DLG2: variants seen among roughly 807,000 people sequenced by gnomAD.
DLG2 encodes the protein discs large MAGUK scaffold protein 2.
Under a neutral mutation model 132.5 loss-of-function variants are expected in DLG2, and 45 were observed. That is an observed-to-expected ratio of 0.34 (90% CI 0.27 to 0.44). The LOEUF (loss-of-function observed/expected upper bound fraction) is 0.44, where lower values mean the gene tolerates loss of function less well. DLG2 is among the 20% of genes least tolerant of loss of function. The pLI is 1.00. For missense variants in DLG2, 1,045 were observed against 1,196.9 expected (o/e 0.87, Z 1.87); for synonymous variants, 424 against 419.6 (o/e 1.01, Z -0.13).
chr11:85,285,458 T>C, intron 3 of DLG2, 93 bp from the exon 4 acceptor site: 1 of 1,237,334 alleles, frequency 8.1e-7, no homozygotes, highest in Non-Finnish European at 1.1e-6. Context: ...ATACAGAAAT[T>C]TTGCTGATTA....
chr11:85,411,173 G>T (rs528000424), intron 3 of DLG2, among the ~76,000 whole-genome samples: 1 of 151,770 alleles, frequency 6.6e-6, no homozygotes, highest in Admixed American at 6.6e-5. Context: ...GGAAAGAAGA[G>T]AAATAAGTGA....
chr11:84,027,830 A>C (rs1011683910), intron 11 of DLG2, among the ~76,000 whole-genome samples: 1 of 152,056 alleles, frequency 6.6e-6, no homozygotes, highest in Non-Finnish European at 1.5e-5. Flanking sequence ...CCATAACACA[A>C]AGATTTGTAA....
intron 8 of DLG2, among the ~76,000 whole-genome samples, chr11:84,191,427 C>G (rs1437520669): frequency 6.6e-6 from 1 of 152,166 alleles, no homozygotes; most frequent in East Asian, 1.9e-4. Context: ...GGAAAGAATG[C>G]CAGATTTGTG....
At chr11:85,050,135 C>CACACACACACACAT (rs767946448) in intron 6 of DLG2, among the ~76,000 whole-genome samples, 7 of 151,214 alleles carry the variant, frequency 4.6e-5, no homozygotes, top group African/African-American at 1.2e-4. Flanking sequence ...CACACACACA[C>CACACACACACACAT]ACACACACAC....
intron 7 of DLG2, among the ~76,000 whole-genome samples, chr11:84,281,051 G>A (rs1214637003): frequency 6.6e-6 from 1 of 151,842 alleles, no homozygotes; most frequent in African/African-American, 2.4e-5. Context: ...AAGGTACAAA[G>A]GCAACTTAAT....
intron 21 of DLG2, among the ~76,000 whole-genome samples, chr11:83,514,588 A>G (rs1193487869): frequency 1.3e-5 from 2 of 152,086 alleles, no homozygotes; most frequent in African/African-American, 2.4e-5. Flanking sequence ...TGGTGAGAGA[A>G]GACATCCCTG....
At chr11:85,220,637 A>AATATATAT (rs1554992640) in intron 4 of DLG2, among the ~76,000 whole-genome samples, 2 of 148,252 alleles carry the variant, frequency 1.3e-5, no homozygotes, top group Non-Finnish European at 3.0e-5. Flanking sequence ...TAGAAAAAAA[A>AATATATAT]ATATATATAT....
At chr11:85,437,436 T>C (rs569290919) in intron 3 of DLG2, among the ~76,000 whole-genome samples, 32 of 152,350 alleles carry the variant, frequency 2.1e-4, no homozygotes, top group African/African-American at 6.3e-4. Context: ...TTATTTGTGC[T>C]AATGTGGCAA....
chr11:83,936,775 T>C (rs991581570), intron 14 of DLG2, among the ~76,000 whole-genome samples: 4 of 152,154 alleles, frequency 2.6e-5, no homozygotes, highest in African/African-American at 4.8e-5. Context: ...GAGTGTTTCA[T>C]TGGAATAAGA....
intron 16 of DLG2, among the ~76,000 whole-genome samples, chr11:83,862,811 ACTTAGGGAATATAATTCCCCT>A (rs2061667822): frequency 6.6e-6 from 1 of 152,128 alleles, no homozygotes; most frequent in Admixed American, 6.6e-5. Flanking sequence ...AAAATTGGTC[ACTTAGGGAATATAATTCCCCT>A]TATTCCTTAG....
intron 4 of DLG2, among the ~76,000 whole-genome samples, chr11:85,276,510 G>A (rs1436022707): frequency 6.6e-6 from 1 of 152,110 alleles, no homozygotes; most frequent in Non-Finnish European, 1.5e-5. Flanking sequence ...AATCTGCAGG[G>A]AAGAGTATGG....
intron 6 of DLG2, chr11:84,545,541 G>A: frequency 2.6e-6 from 1 of 389,758 alleles, no homozygotes; most frequent in South Asian, 2.2e-5. Flanking sequence ...CTCTTGCTTT[G>A]ACAGGGATGA....
intron 6 of DLG2, among the ~76,000 whole-genome samples, chr11:84,628,141 T>G (rs1210492434): frequency 6.6e-6 from 1 of 152,008 alleles, no homozygotes; most frequent in South Asian, 2.1e-4. Context: ...TATAGATATA[T>G]ATATACCCCC....
At chr11:84,006,364 T>C (rs966976190) in intron 11 of DLG2, among the ~76,000 whole-genome samples, 1 of 151,650 alleles carries the variant, frequency 6.6e-6, no homozygotes, top group African/African-American at 2.4e-5. Flanking sequence ...ATAAGTTCTA[T>C]TGTTCAAAAG....
At chr11:85,330,677 A>G (rs867706967) in intron 3 of DLG2, among the ~76,000 whole-genome samples, 2 of 107,416 alleles carry the variant, frequency 1.9e-5, no homozygotes, top group Non-Finnish European at 3.8e-5. Flanking sequence ...ACCTAATGCT[A>G]GATGACACGT....
chr11:84,734,303 T>C (rs1316685038), intron 6 of DLG2, among the ~76,000 whole-genome samples: 2 of 152,184 alleles, frequency 1.3e-5, no homozygotes, highest in African/African-American at 4.8e-5. Context: ...TTGTATCCTC[T>C]TTTATTTTGT....
chr11:83,842,994 G>A (rs1235428722), intron 16 of DLG2, among the ~76,000 whole-genome samples: 4 of 152,020 alleles, frequency 2.6e-5, no homozygotes, highest in African/African-American at 4.8e-5. Context: ...ATATAAATAT[G>A]TTTTCATTGA....
chr11:85,330,792 T>TAAAAAAAAAAAAAAAAAATA (rs2081659434), intron 3 of DLG2, among the ~76,000 whole-genome samples: 2 of 116,492 alleles, frequency 1.7e-5, no homozygotes, highest in Non-Finnish European at 3.5e-5. Context: ...AAAAAAAAAT[T>TAAAAAAAAAAAAAAAAAATA]AAAAAAAAAA....
At chr11:84,352,279 T>C (rs1465700964) in intron 7 of DLG2, among the ~76,000 whole-genome samples, 1 of 152,136 alleles carries the variant, frequency 6.6e-6, no homozygotes, top group Non-Finnish European at 1.5e-5. Flanking sequence ...TCATGAACCT[T>C]GGGAAAGACA....
Sources: gnomAD v4.1 joint callset for allele counts (sites outside exome capture counted in the v4.1 genomes callset) on GRCh38, gnomAD v4.1.1 for gene constraint, MANE v1.5 for transcripts, NCBI Gene and HGNC (gene_info 2026-07-23, HGNC 2026-07-21) for gene names.